CCT2: variants seen among roughly 807,000 people sequenced by gnomAD.
The protein encoded by CCT2 is chaperonin containing TCP1 subunit 2, also known as T-complex protein 1 subunit beta.
In CCT2, 18 loss-of-function variants were observed where a neutral mutation model predicts 61.8. That is an observed-to-expected ratio of 0.29 (90% CI 0.20 to 0.43). The LOEUF (loss-of-function observed/expected upper bound fraction) is 0.43. CCT2 is among the 20% of genes least tolerant of loss of function. The pLI, the probability that CCT2 is intolerant of heterozygous loss-of-function variation, is 1.00. For missense variants in CCT2, 556 were observed against 656.9 expected (o/e 0.85, Z 1.68); for synonymous variants, 248 against 215.9 (o/e 1.15, Z -1.30).
intron 7 of CCT2, among the ~76,000 whole-genome samples, chr12:69,590,872 A>G (rs951923880): frequency 8.6e-5 from 13 of 152,018 alleles, no homozygotes; most frequent in African/African-American, 3.1e-4. Flanking sequence ...GTGTGCCACC[A>G]TGCCTGGCTA....
chr12:69,601,534 C>T lies in CCT2; in HGVS notation c.*209C>T. ...TCAGTTGATTTAAAAAAGTTCATTT[C>T]TCATACTGTGCATTAAAATAAAAAT... On this transcript the variant is annotated 3_prime_UTR_variant, in exon 16 of 16. Coordinates refer to ENST00000299300, the MANE Select transcript of CCT2 (RefSeq NM_006431.3). 7.2e-7 allele frequency: 1 copy of T among 1,388,510 alleles called. No homozygotes were observed. The highest frequency in any genetic ancestry group is 9.4e-7 in the Non-Finnish European group (1 of 1,065,106). 86.0% of individuals were successfully genotyped at this position (1,388,510 alleles called of 1,614,324 possible).
chr12:69,589,650 G>C lies in CCT2; in HGVS notation c.612G>C (p.Lys204Asn), dbSNP rs368268869. 2.5e-6 allele frequency: 4 copies of C among 1,613,690 alleles called. No homozygotes were observed. Among genetic ancestry groups the C allele is most frequent in the Non-Finnish European group, 2.5e-6 (3 of 1,179,988 alleles). ...TGGAGGCAATTCATATTATCAAGAA[G>C]CTAGGAGGAAGTTTGGCAGATTCCT... ...GNLEAIHIIK[K>N]LGGSLADSYL... The change falls in exon 7 of 16, where the codon AAG becomes AAC. Residue 204 changes from lysine to asparagine, a missense_variant. Physicochemically the swap from Lys to Asn is moderately conservative, Grantham distance 94. This residue lies in a region of CCT2 where 308 missense variants were observed against 350.6 expected (regional missense o/e 0.88). Coordinates refer to ENST00000299300, the MANE Select transcript of CCT2 (RefSeq NM_006431.3).
chr12:69,600,217 A>G (rs1027906010), intron 15 of CCT2, among the ~76,000 whole-genome samples: 21 of 152,194 alleles, frequency 1.4e-4, no homozygotes, highest in African/African-American at 4.3e-4. Flanking sequence ...TAGGATTGAA[A>G]AGGCACAGAA....
In CCT2 at chr12:69,592,127, G is replaced by A. The variant is rs762683770; in HGVS notation, c.718G>A (p.Ala240Thr). Reference sequence around the variant, plus strand: ...AATTGAAAATGCTAAAATTCTTATTGCAAATACTGGTATGGATACAGACAA... The same window carrying A: ...AATTGAAAATGCTAAAATTCTTATTACAAATACTGGTATGGATACAGACAA... ...KRIENAKILI[A>T]NTGMDTDKIK... Residue 240 changes from alanine (A) to threonine (T), a missense_variant, in exon 8 of 16, where the codon GCA becomes ACA. Around this residue, in one of 3 missense-constraint regions of CCT2, gnomAD observed 308 missense variants for 350.6 expected, o/e 0.88. Transcript: ENST00000299300. 1.3e-6 allele frequency: 2 copies of A among 1,588,794 alleles called. No homozygotes were observed. The highest frequency in any genetic ancestry group is 1.1e-5 in the South Asian group (1 of 90,580).
At chr12:69,595,877 G>T (rs1272033044) in intron 10 of CCT2, among the ~76,000 whole-genome samples, 1 of 152,146 alleles carries the variant, frequency 6.6e-6, no homozygotes, top group South Asian at 2.1e-4. Context: ...GTTGTCAAAG[G>T]TGTATGATGA....
intron 10 of CCT2, among the ~76,000 whole-genome samples, chr12:69,594,610 G>A (rs542810136): frequency 1.3e-5 from 2 of 152,276 alleles, no homozygotes; most frequent in African/African-American, 2.4e-5. Flanking sequence ...TAATCCCAGT[G>A]CTTTGAGAGG....
intron 15 of CCT2, 58 bp from the exon 16 acceptor site, chr12:69,601,237 C>T (rs1403259378): frequency 7.3e-7 from 1 of 1,363,910 alleles, no homozygotes; most frequent in African/African-American, 1.5e-5. Context: ...TAGTATAATA[C>T]TTTGGATAAA....
chr12:69,587,950 G>A lies in CCT2; in HGVS notation c.277G>A (p.Asp93Asn). ...VLVDMSRVQD[D>N]EVGDGTTSVT... ...TCTAGATATGTCAAGGGTTCAAGAT[G>A]ATGAAGTTGGTGATGGCACTACCTC... is the stretch of plus-strand genomic sequence containing the variant. Residue 93 changes from aspartate to asparagine, a missense_variant, in exon 5 of 16, where the codon GAT becomes AAT. This residue lies in a region of CCT2 where 308 missense variants were observed against 350.6 expected (regional missense o/e 0.88). Coordinates refer to ENST00000299300, the MANE Select transcript of CCT2 (RefSeq NM_006431.3). 6.2e-7 allele frequency: 1 copy of A among 1,613,324 alleles called. No individual in the cohort carries two copies. Among genetic ancestry groups the A allele is most frequent in the Middle Eastern group, 1.7e-4 (1 of 6,060 alleles).
chr12:69,585,975 C>G (rs952986422), intron 1 of CCT2: 1 of 1,314,068 alleles, frequency 7.6e-7, no homozygotes, highest in Non-Finnish European at 9.7e-7. Context: ...CCCTCCCTGC[C>G]TCATTCTTAG....
chr12:69,588,529 C>T, intron 6 of CCT2: 1 of 279,074 alleles, frequency 3.6e-6, no homozygotes, highest in East Asian at 6.8e-5. Context: ...TCTTTTTAAC[C>T]TAGTTAAATA....
At chr12:69,586,008 C>A (rs1881640451) in intron 1 of CCT2, 3 of 1,353,270 alleles carry the variant, frequency 2.2e-6, no homozygotes, top group Non-Finnish European at 2.8e-6. Context: ...TTTAGTCTCG[C>A]TGTACGTAAC....
At chr12:69,599,632 C>G (rs1882091715) in intron 14 of CCT2, 1 of 256,596 alleles carries the variant, frequency 3.9e-6, no homozygotes. Flanking sequence ...GGTGATCTAC[C>G]TGCCTCAGCC....
chr12:69,589,463 A>G lies in CCT2; in HGVS notation c.447-22A>G, dbSNP rs764088035. On this transcript the variant is annotated intron_variant, in intron 6 of 15. Coordinates refer to ENST00000299300, the MANE Select transcript of CCT2 (RefSeq NM_006431.3). ...GAAAAGTAAAGTAGGGTTAATATGT[A>G]TATTTGGTTGGTTTTATTTAGTTCC... The G allele has an allele frequency of 7.0e-6, 11 of 1,582,342 alleles. No individual in the cohort carries two copies. In the Admixed American group the frequency reaches 1.0e-4, roughly 14 times the overall value.
In CCT2 at chr12:69,586,833, A is replaced by G. The variant is rs770842383; in HGVS notation, c.144+15A>G. On this transcript the variant is annotated intron_variant, in intron 3 of 15. Coordinates refer to ENST00000299300, the MANE Select transcript of CCT2 (RefSeq NM_006431.3). The stretch of plus-strand genomic sequence containing the variant: ...CCAAAGGCATGGTAAGAAAAATAGA[A>G]AAGTTTTATATTTTAATATTGTTTT... 5.5e-5 allele frequency: 84 copies of G among 1,518,252 alleles called. No homozygotes were observed. The highest frequency in any genetic ancestry group is 7.2e-5 in the Non-Finnish European group (80 of 1,113,276). 94.0% of individuals were successfully genotyped at this position (1,518,252 alleles called of 1,614,324 possible).
Position 69,601,366 on chromosome 12 carries a change from A to G in CCT2, c.*41A>G. ...GTCGATCTTTGGACCAGTTTCTAGC[A>G]AAGTTGTGTTTGAAAGATACTCTAT... On this transcript the variant is annotated 3_prime_UTR_variant, in exon 16 of 16. Transcript: ENST00000299300. 4 of 1,614,006 alleles carry G rather than the reference A, an allele frequency of 2.5e-6. No individual in the cohort carries two copies. The highest frequency in any genetic ancestry group is 3.4e-6 in the Non-Finnish European group (4 of 1,179,942).
At chr12:69,594,156 T>G (rs11177738) in intron 10 of CCT2, among the ~76,000 whole-genome samples, 2 of 151,692 alleles carry the variant, frequency 1.3e-5, no homozygotes, top group Non-Finnish European at 2.9e-5. Context: ...AAAAAAGATA[T>G]GTATATTTTT....
At chr12:69,593,407 C>T (rs897849111) in intron 9 of CCT2, 103 bp from the exon 10 acceptor site, 4 of 752,518 alleles carry the variant, frequency 5.3e-6, no homozygotes, top group Non-Finnish European at 8.6e-6. Context: ...TTCTAATTTG[C>T]ATTTCTTTTA....
intron 3 of CCT2, chr12:69,587,207 A>G (rs1433888958): frequency 2.8e-6 from 1 of 354,616 alleles, no homozygotes; most frequent in Non-Finnish European, 5.0e-6. Flanking sequence ...GTCAAATATT[A>G]TCCTGTACCT....
intron 11 of CCT2, 86 bp downstream of exon 11, chr12:69,597,361 GCATAT>G: frequency 6.8e-7 from 1 of 1,464,332 alleles, no homozygotes; most frequent in Non-Finnish European, 9.4e-7. Context: ...TACTAGAATA[GCATAT>G]CTTACAAGTC....
Sources: allele counts gnomAD v4.1 joint callset (sites outside exome capture counted in the v4.1 genomes callset), GRCh38; gene constraint gnomAD v4.1.1; regional missense constraint gnomAD v4.1.1; transcripts MANE v1.5; gene names NCBI Gene and HGNC (gene_info 2026-07-23, HGNC 2026-07-21).